Variants in INO80 observed in about 807,000 individuals in gnomAD.
The protein encoded by INO80 is INO80 complex ATPase subunit, also known as chromatin-remodeling ATPase INO80.
Under a neutral mutation model 203.4 loss-of-function variants are expected in INO80, and 20 were observed. The observed-to-expected ratio is 0.10, with a 90% confidence interval of 0.07 to 0.14. The LOEUF (loss-of-function observed/expected upper bound fraction) is 0.14. INO80 is among the 10% of genes least tolerant of loss of function. The pLI is 1.00. For synonymous variants in INO80, 726 were observed against 685.2 expected (o/e 1.06, Z -0.93); for missense variants, 1,419 against 1,914.4 (o/e 0.74, Z 4.83).
At position 40,985,689 on chromosome 15, in the gene INO80, G is replaced by A. The variant is rs2043722616; in HGVS notation, c.3833-263C>T. Among the ~76,000 whole-genome samples the A allele has an allele frequency of 2.0e-5, 3 of 152,022 alleles. No individual in the cohort carries two copies. The South Asian group carries it at 6.2e-4, about 32-fold the overall frequency. ...CTTTGGGAGGCTGGGGCAGGCTGAT[G>A]GCTCAAGCCCAGGAGCTTGAGACCA... On this transcript the variant is annotated intron_variant, in intron 31 of 35. Coordinates refer to ENST00000648947, the MANE Select transcript of INO80 (RefSeq NM_017553.3).
chr15:40,987,423 T>C (rs951613442), intron 30 of INO80, among the ~76,000 whole-genome samples: 1 of 152,178 alleles, frequency 6.6e-6, no homozygotes, highest in African/African-American at 2.4e-5. Flanking sequence ...CTAGAAAATC[T>C]AAGGCTACTG....
chr15:40,992,602 G>T (rs994159366), intron 29 of INO80, among the ~76,000 whole-genome samples: 1 of 152,184 alleles, frequency 6.6e-6, no homozygotes, highest in Non-Finnish European at 1.5e-5. Flanking sequence ...AAAAATGCCA[G>T]ACAAGCAACT....
At chr15:41,008,990 G>A (rs112080253) in intron 27 of INO80, among the ~76,000 whole-genome samples, 46 of 152,184 alleles carry the variant, frequency 3.0e-4, no homozygotes, top group African/African-American at 1.0e-3. Flanking sequence ...GCGCCACCAT[G>A]CCTGGCTAAG....
chr15:41,092,231 A>G lies in INO80; in HGVS notation c.382-49T>C, dbSNP rs147659063. ...GTATCTTTTGCTGTGAAGCAATCCC[A>G]TTTATAATCCAAGCATTTTTTCCTA... is the stretch of plus-strand genomic sequence containing the variant. On this transcript the variant is annotated intron_variant, in intron 4 of 35. Transcript: ENST00000648947. 4.1e-5 allele frequency: 60 copies of G among 1,469,366 alleles called. No individual in the cohort carries two copies. In the Admixed American group the frequency reaches 1.1e-3, roughly 27 times the overall value. 91.0% of individuals were successfully genotyped at this position (1,469,366 alleles called of 1,614,324 possible). A position where few individuals can be genotyped will look rare whatever the true frequency, so the allele number is the denominator to read the frequency against.
intron 1 of INO80, among the ~76,000 whole-genome samples, chr15:41,101,294 C>T (rs999424973): frequency 3.3e-5 from 5 of 152,132 alleles, no homozygotes; most frequent in African/African-American, 7.2e-5. Context: ...CATCTGTTAT[C>T]GTCCAACTTC....
At chr15:41,009,065 C>G (rs1199267717) in intron 27 of INO80, among the ~76,000 whole-genome samples, 1 of 152,152 alleles carries the variant, frequency 6.6e-6, no homozygotes, top group African/African-American at 2.4e-5. Flanking sequence ...CTCCTGACCT[C>G]AGGTGATACA....
At chr15:41,062,035 A>T (rs2045120210) in intron 14 of INO80, among the ~76,000 whole-genome samples, 1 of 152,180 alleles carries the variant, frequency 6.6e-6, no homozygotes, top group African/African-American at 2.4e-5. Context: ...GCCAAATGGA[A>T]GCAGAAATAT....
At chr15:41,100,955 A>G (rs1227041223) in intron 1 of INO80, among the ~76,000 whole-genome samples, 1 of 151,170 alleles carries the variant, frequency 6.6e-6, no homozygotes, top group African/African-American at 2.4e-5. Flanking sequence ...CCAGCCTCCC[A>G]AGTAGCTGGG....
At chr15:41,059,455 T>C (rs2140557185) in intron 15 of INO80, among the ~76,000 whole-genome samples, 1 of 150,424 alleles carries the variant, frequency 6.6e-6, no homozygotes, top group South Asian at 2.1e-4. Context: ...TGAAACCACA[T>C]CTCTATAAAA....
rs139118760 is a variant in INO80 at position 41,014,739 on chromosome 15, T to C, written c.3402+1349A>G. Among the ~76,000 whole-genome samples the C allele has an allele frequency of 2.6e-5, 4 of 152,286 alleles. No homozygotes were observed. In the East Asian group the frequency reaches 7.7e-4, roughly 29 times the overall value. The stretch of plus-strand genomic sequence containing the variant: ...CTTGCTAAAAGAAGTTGCCGGATTA[T>C]TAAAAGAAACCTCCCACTGATTTCA... On this transcript the variant is annotated intron_variant, in intron 27 of 35. Transcript: ENST00000648947.
At chr15:41,043,734 C>G (rs988092973) in intron 24 of INO80, among the ~76,000 whole-genome samples, 9 of 152,208 alleles carry the variant, frequency 5.9e-5, no homozygotes, top group African/African-American at 2.2e-4. Flanking sequence ...CACTCCTCTT[C>G]TCAAAACTCT....
At chr15:41,088,167 T>G (rs1277303251) in intron 5 of INO80, among the ~76,000 whole-genome samples, 1 of 147,130 alleles carries the variant, frequency 6.8e-6, no homozygotes, top group African/African-American at 2.5e-5. Flanking sequence ...CTGGGCTCAC[T>G]GCAACCTCCG....
At chr15:41,060,000 G>A in intron 14 of INO80, 74 bp from the exon 15 acceptor site, 1 of 1,039,158 alleles carries the variant, frequency 9.6e-7, no homozygotes, top group East Asian at 2.6e-5. Flanking sequence ...ATATAATTCG[G>A]AACAATTTAA....
intron 23 of INO80, among the ~76,000 whole-genome samples, chr15:41,046,163 G>C (rs577187913): frequency 1.4e-5 from 2 of 143,902 alleles, no homozygotes; most frequent in East Asian, 2.0e-4. Flanking sequence ...GTGTGTGTCT[G>C]TGTGTGTGTG....
intron 29 of INO80, among the ~76,000 whole-genome samples, chr15:40,988,842 C>T (rs1394940674): frequency 6.6e-6 from 1 of 152,212 alleles, no homozygotes; most frequent in African/African-American, 2.4e-5. Context: ...TGGTGAAACC[C>T]CATCTCTACT....
intron 29 of INO80, among the ~76,000 whole-genome samples, chr15:40,989,412 T>C (rs2043787652): frequency 6.6e-6 from 1 of 152,214 alleles, no homozygotes; most frequent in Admixed American, 6.5e-5. Flanking sequence ...GAGGCTACCA[T>C]CCAACATGGC....
At chr15:41,052,140 C>CA (rs941474633) in intron 19 of INO80, among the ~76,000 whole-genome samples, 37 of 141,166 alleles carry the variant, frequency 2.6e-4, no homozygotes, top group South Asian at 4.5e-4. Context: ...AATCCAGTCT[C>CA]AAAAAAAAAA....
chr15:40,992,842 G>C (rs2043833509), intron 29 of INO80, among the ~76,000 whole-genome samples: 1 of 152,258 alleles, frequency 6.6e-6, no homozygotes, highest in East Asian at 1.9e-4. Flanking sequence ...GCCCATGTTG[G>C]AGTGCAGCGG....
In INO80 at chr15:41,002,588, CTA is replaced by C. The variant is rs986001759; in HGVS notation, c.3497+3003_3497+3004del. 3.9e-5 allele frequency among the ~76,000 whole-genome samples: 6 copies of C among 152,250 alleles called. No individual in the cohort carries two copies. In the South Asian group the frequency reaches 8.3e-4, roughly 21 times the overall value. On this transcript the variant is annotated intron_variant, in intron 28 of 35. Transcript: ENST00000648947. ...AACATACTACAGCTCTGGTTGGGGT[CTA>C]TATTAGCAGAATTTTCTACAAAGAA... is the stretch of plus-strand genomic sequence containing the variant.
Sources: allele counts gnomAD v4.1 joint callset (sites outside exome capture counted in the v4.1 genomes callset), GRCh38; gene constraint gnomAD v4.1.1; transcripts MANE v1.5; gene names NCBI Gene and HGNC (gene_info 2026-07-23, HGNC 2026-07-21).